Variants in KALRN observed in about 807,000 individuals in gnomAD.
The protein encoded by KALRN is kalirin RhoGEF kinase.
Under a neutral mutation model 353.7 loss-of-function variants are expected in KALRN, and 70 were observed. That is an observed-to-expected ratio of 0.20 (90% CI 0.16 to 0.24). The LOEUF (loss-of-function observed/expected upper bound fraction) is 0.24, where lower values mean the gene tolerates loss of function less well. Among genes scored for constraint, KALRN ranks in the 10% least tolerant of loss-of-function variants. KALRN has a pLI of 1.00. For missense variants in KALRN, 2,791 were observed against 3,756.7 expected (o/e 0.74, Z 6.72); for synonymous variants, 1,391 against 1,434.8 (o/e 0.97, Z 0.69).
At chr3:124,529,282 A>G (rs1265849875) in intron 33 of KALRN, among the ~76,000 whole-genome samples, 1 of 152,182 alleles carries the variant, frequency 6.6e-6, no homozygotes, top group Non-Finnish European at 1.5e-5. Flanking sequence ...ACAGAGAGAG[A>G]AAAACTTCCC....
intron 1 of KALRN, among the ~76,000 whole-genome samples, chr3:124,105,391 A>G (rs903999648): frequency 6.6e-6 from 1 of 152,184 alleles, no homozygotes; most frequent in Non-Finnish European, 1.5e-5. Flanking sequence ...CAGGAGATGA[A>G]TATTTTGAGT....
At chr3:124,090,335 G>T (rs1345275942) in intron 1 of KALRN, among the ~76,000 whole-genome samples, 2 of 152,204 alleles carry the variant, frequency 1.3e-5, no homozygotes, top group African/African-American at 4.8e-5. Context: ...GGTCGGAGGT[G>T]AGCAAGATGA....
chr3:124,643,589 T>G (rs1244598394), intron 37 of KALRN, among the ~76,000 whole-genome samples: 1 of 152,126 alleles, frequency 6.6e-6, no homozygotes, highest in Non-Finnish European at 1.5e-5. Context: ...TCAAGCAATC[T>G]TTTCACTTCA....
intron 13 of KALRN, 38 bp from the exon 14 acceptor site, chr3:124,413,432 C>T (rs1339923845): frequency 1.3e-6 from 2 of 1,565,162 alleles, no homozygotes; most frequent in Non-Finnish European, 1.8e-6. Flanking sequence ...TCTCGTGGAC[C>T]TGGTGAGCCT....
intron 6 of KALRN, among the ~76,000 whole-genome samples, chr3:124,312,427 C>G (rs1241876788): frequency 6.6e-6 from 1 of 152,190 alleles, no homozygotes; most frequent in Non-Finnish European, 1.5e-5. Context: ...TCCCAAAATG[C>G]TGGGATCACA....
chr3:124,429,905 T>A (rs1423171627), intron 15 of KALRN, among the ~76,000 whole-genome samples: 1 of 152,234 alleles, frequency 6.6e-6, no homozygotes, highest in Admixed American at 6.5e-5. Flanking sequence ...TGGGGTTGTT[T>A]ACCTACTGAA....
intron 1 of KALRN, among the ~76,000 whole-genome samples, chr3:124,222,513 T>C (rs1397619748): frequency 6.6e-6 from 1 of 152,198 alleles, no homozygotes; most frequent in African/African-American, 2.4e-5. Flanking sequence ...ATCTTCTGCC[T>C]CTGAGGCAAC....
At chr3:124,694,108 TTTTC>T (rs1195969790) in intron 52 of KALRN, among the ~76,000 whole-genome samples, 1 of 152,248 alleles carries the variant, frequency 6.6e-6, no homozygotes, top group African/African-American at 2.4e-5. Flanking sequence ...ATTATGGAGC[TTTTC>T]TTTCTTTCTG....
At chr3:124,710,157 C>G (rs2062820814) in intron 57 of KALRN, among the ~76,000 whole-genome samples, 1 of 152,224 alleles carries the variant, frequency 6.6e-6, no homozygotes, top group Non-Finnish European at 1.5e-5. Context: ...CCCATGCACT[C>G]TTTGTCAGAA....
chr3:124,357,060 G>A (rs533631670), intron 10 of KALRN, among the ~76,000 whole-genome samples: 5 of 152,218 alleles, frequency 3.3e-5, no homozygotes, highest in African/African-American at 9.6e-5. Flanking sequence ...TCCTGCATTC[G>A]TTATACCAGT....
chr3:124,201,799 T>G (rs908975346), intron 1 of KALRN, among the ~76,000 whole-genome samples: 1 of 152,180 alleles, frequency 6.6e-6, no homozygotes, highest in Non-Finnish European at 1.5e-5. Flanking sequence ...ACTTATAAAT[T>G]AAGTCTATAA....
At chr3:124,631,630 T>C (rs1369704758) in intron 34 of KALRN, among the ~76,000 whole-genome samples, 3 of 152,064 alleles carry the variant, frequency 2.0e-5, no homozygotes, top group African/African-American at 7.2e-5. Flanking sequence ...ACCACCAACA[T>C]CCCTCACCTG....
intron 50 of KALRN, chr3:124,678,622 A>T (rs570182168): frequency 9.6e-4 from 197 of 206,072 alleles, no homozygotes; most frequent in Non-Finnish European, 1.3e-3. Flanking sequence ...GATTCATATT[A>T]AATTTATCAA....
At chr3:124,511,903 CCTT>C (rs1423455429) in intron 33 of KALRN, among the ~76,000 whole-genome samples, 3 of 152,148 alleles carry the variant, frequency 2.0e-5, no homozygotes, top group Non-Finnish European at 4.4e-5. Context: ...GACTGTATCT[CCTT>C]CTGGTTTGCT....
chr3:124,541,507 C>A (rs904315067), intron 33 of KALRN, among the ~76,000 whole-genome samples: 1 of 151,726 alleles, frequency 6.6e-6, no homozygotes, highest in Non-Finnish European at 1.5e-5. Flanking sequence ...CCTTTATAAC[C>A]ACGCAGTTTT....
At chr3:124,195,327 T>A (rs999857215) in intron 1 of KALRN, among the ~76,000 whole-genome samples, 2 of 152,176 alleles carry the variant, frequency 1.3e-5, no homozygotes, top group Non-Finnish European at 2.9e-5. Flanking sequence ...GGATGCTGCC[T>A]TTGCTAAACT....
intron 15 of KALRN, among the ~76,000 whole-genome samples, chr3:124,426,691 C>G (rs2093036367): frequency 6.6e-6 from 1 of 152,118 alleles, no homozygotes; most frequent in African/African-American, 2.4e-5. Flanking sequence ...TGAAGGGAAA[C>G]CACTCCACTG....
chr3:124,601,877 AT>A (rs10708561), intron 34 of KALRN, among the ~76,000 whole-genome samples: 2 of 143,348 alleles, frequency 1.4e-5, no homozygotes, highest in Non-Finnish European at 3.0e-5. Context: ...GAAAAAAAAA[AT>A]AGCTGGGTTT....
intron 34 of KALRN, among the ~76,000 whole-genome samples, chr3:124,587,815 C>A (rs1319837756): frequency 6.6e-6 from 1 of 151,224 alleles, no homozygotes; most frequent in Non-Finnish European, 1.5e-5. Flanking sequence ...CCACCTCAGC[C>A]TCCCAAGTGG....
Sources: gnomAD v4.1 joint callset for allele counts (sites outside exome capture counted in the v4.1 genomes callset) on GRCh38, gnomAD v4.1.1 for gene constraint, MANE v1.5 for transcripts, NCBI Gene and HGNC (gene_info 2026-07-23, HGNC 2026-07-21) for gene names.